Variants in POLQ observed in about 807,000 individuals in gnomAD.
POLQ encodes DNA polymerase theta, also known as epididymis secretory sperm binding protein.
POLQ carries 233 observed loss-of-function variants against 259.2 expected under a neutral mutation model. The ratio of observed to expected loss-of-function variants is 0.90; its 90% confidence interval spans 0.81 to 1.00. The LOEUF is 1.00. Ranked by LOEUF, POLQ falls within the 50% of genes least tolerant of loss-of-function variation. The pLI is 0.00. For missense variants in POLQ, 2,871 were observed against 3,051.6 expected (o/e 0.94, Z 1.39); for synonymous variants, 1,025 against 1,048.8 (o/e 0.98, Z 0.44).
At chr3:121,450,292 C>T (rs2047663870) in intron 25 of POLQ, among the ~76,000 whole-genome samples, 1 of 152,054 alleles carries the variant, frequency 6.6e-6, no homozygotes, top group African/African-American at 2.4e-5. Context: ...TCCAAAAAAA[C>T]TTTCAACATG....
Position 121,489,793 on chromosome 3 carries a change from C to A in POLQ, c.3138G>T (p.Lys1046Asn). 1 of 1,612,872 alleles carries A rather than the reference C, an allele frequency of 6.2e-7. No individual in the cohort carries two copies. Among genetic ancestry groups the A allele is most frequent in the Non-Finnish European group, 8.5e-7 (1 of 1,179,852 alleles). The stretch of plus-strand genomic sequence containing the variant: ...TGCTGTCCCTAGATCGCTTTAGATG[C>A]TTTCTACGTTTCCAAGATCGAAAAC... ...SRSFRSWKRR[K>N]HLKRSRDSSP... Residue 1046 changes from lysine to asparagine, a missense_variant, in exon 16 of 30, where the codon AAG becomes AAT. By Grantham distance (94) the Lys-to-Asn change is moderately conservative. Transcript: ENST00000264233.
chr3:121,540,138 C>T (rs1412072472), intron 3 of POLQ, among the ~76,000 whole-genome samples: 1 of 151,616 alleles, frequency 6.6e-6, no homozygotes, highest in Non-Finnish European at 1.5e-5. Flanking sequence ...TACTTTGGGT[C>T]TAAGTTGAGT....
At position 121,496,852 on chromosome 3, in the gene POLQ, C is replaced by G. The variant is rs779118394; in HGVS notation, c.2234G>C (p.Arg745Pro). The G allele has an allele frequency of 6.2e-7, 1 of 1,613,864 alleles. No individual in the cohort carries two copies. Among genetic ancestry groups the G allele is most frequent in the South Asian group, 1.1e-5 (1 of 91,022 alleles). ...CTGTTGCAAAGATTGAATCTGCCCACGATTGCATCCATATTTCTGATTTAT... is the reference window on the plus strand; with the variant it reads ...CTGTTGCAAAGATTGAATCTGCCCAGGATTGCATCCATATTTCTGATTTAT... ...REINQKYGCN[R>P]GQIQSLQQSA... Residue 745 changes from arginine to proline, a missense_variant, in exon 14 of 30, where the codon CGT (arginine) becomes CCT (proline). Arg to Pro is a moderately radical substitution (Grantham distance 103). Around this residue, in one of 3 missense-constraint regions of POLQ, gnomAD observed 783 missense variants for 906.2 expected, o/e 0.86. Coordinates refer to ENST00000264233, the MANE Select transcript of POLQ (RefSeq NM_199420.4).
chr3:121,479,857 G>A (rs1051516681), intron 19 of POLQ, among the ~76,000 whole-genome samples: 3 of 152,086 alleles, frequency 2.0e-5, no homozygotes, highest in African/African-American at 7.2e-5. Flanking sequence ...AAAGTCAGGG[G>A]AACTAGAAGA....
At chr3:121,474,003 C>T (rs912969817) in intron 20 of POLQ, among the ~76,000 whole-genome samples, 7 of 152,078 alleles carry the variant, frequency 4.6e-5, no homozygotes, top group Admixed American at 2.0e-4. Context: ...GTGGGATTAT[C>T]GGCATGAGCC....
At chr3:121,544,991 C>A (rs2048520403) in intron 1 of POLQ, 85 bp from the exon 2 acceptor site, 2 of 796,764 alleles carry the variant, frequency 2.5e-6, no homozygotes, top group African/African-American at 3.5e-5. Context: ...TGTTGGAATT[C>A]CTATGTGTTG....
intron 2 of POLQ, among the ~76,000 whole-genome samples, chr3:121,542,381 C>A (rs562028584): frequency 1.3e-5 from 2 of 152,022 alleles, no homozygotes; most frequent in South Asian, 4.2e-4. Context: ...TACAGTGAGA[C>A]TCTGTTCCAA....
In POLQ at chr3:121,487,441, T is replaced by C. The variant is rs2048021328; in HGVS notation, c.5490A>G (p.Val1830=). ...TTTGGAAAAGATTTTGGTCACTTGC[T>C]ACATCAATTATGGACAAACTTTCTG... ...SSSESLSIID[V]ASDQNLFQTF... is the part of the protein sequence containing the mutation. The change falls in exon 16 of 30, where the codon GTA becomes GTG. Residue 1830 remains valine, a synonymous_variant. Coordinates refer to ENST00000264233, the MANE Select transcript of POLQ (RefSeq NM_199420.4). The C allele has an allele frequency of 6.2e-7, 1 of 1,613,980 alleles. No homozygotes were observed. Among genetic ancestry groups the C allele is most frequent in the African/African-American group, 1.3e-5 (1 of 74,940 alleles).
chr3:121,441,284 T>C lies in POLQ; in HGVS notation c.7265-1168A>G, dbSNP rs187908672. Among the ~76,000 whole-genome samples, 7 of 152,250 alleles carry C rather than the reference T, an allele frequency of 4.6e-5. No individual in the cohort carries two copies. The East Asian group carries it at 1.4e-3, about 29-fold the overall frequency. ...AATCAGTGCTGAGGTATAATTTACA[T>C]GCAACAAAATACACTCGCTTTAAAC... On this transcript the variant is annotated intron_variant, in intron 26 of 29. Coordinates refer to ENST00000264233, the MANE Select transcript of POLQ (RefSeq NM_199420.4).
chr3:121,529,361 A>C (rs1224718565), intron 7 of POLQ, among the ~76,000 whole-genome samples: 1 of 152,212 alleles, frequency 6.6e-6, no homozygotes, highest in East Asian at 1.9e-4. Context: ...TCCAAAGATC[A>C]AACTCTTAAA....
chr3:121,475,564 T>C (rs1359189414), intron 20 of POLQ, among the ~76,000 whole-genome samples: 1 of 152,186 alleles, frequency 6.6e-6, no homozygotes, highest in African/African-American at 2.4e-5. Context: ...GAGAGACCCA[T>C]TATGATTAAA....
At chr3:121,469,897 C>G (rs1352940322) in intron 22 of POLQ, among the ~76,000 whole-genome samples, 1 of 151,962 alleles carries the variant, frequency 6.6e-6, no homozygotes, top group Non-Finnish European at 1.5e-5. Flanking sequence ...GTAATAAAAT[C>G]AAAAGAAATG....
Position 121,533,202 on chromosome 3 carries a change from C to A in POLQ, c.748G>T (p.Asp250Tyr), listed in dbSNP as rs376463646. ...ITRKSASCQA[D>Y]LASSLSNAVQ... is the part of the protein sequence containing the mutation. ...GCATTAGACAGAGAACTGGCTAGAT[C>A]TGCCTGACTGTAAAAAAACAAATGA... Residue 250 changes from aspartate to tyrosine, a missense_variant, in exon 6 of 30, where the codon GAT (aspartate) becomes TAT (tyrosine). Physicochemically the swap from Asp to Tyr is radical, Grantham distance 160. Transcript: ENST00000264233. 34 of 1,559,758 alleles carry A rather than the reference C, an allele frequency of 2.2e-5. 2 individuals are homozygous for A. In the African/African-American group the frequency reaches 3.6e-4, roughly 16 times the overall value.
In POLQ at chr3:121,510,203, T is replaced by C. The variant is rs1480430392; in HGVS notation, c.1652A>G (p.His551Arg). 4.3e-6 allele frequency: 7 copies of C among 1,613,696 alleles called. No individual in the cohort carries two copies. The highest frequency in any genetic ancestry group is 2.2e-5 in the South Asian group (2 of 91,062). ...GGVASTSQDM[H>R]TYAACTFLAA... ...CAAAAATGTGCAGGCAGCATAAGTA[T>C]GCATATCTTGTGATGTACTTGCCAC... The change falls in exon 11 of 30, where the codon CAT becomes CGT. Residue 551 changes from histidine to arginine, a missense_variant. Physicochemically the swap from His to Arg is conservative, Grantham distance 29 (BLOSUM62 0). Coordinates refer to ENST00000264233, the MANE Select transcript of POLQ (RefSeq NM_199420.4).
intron 9 of POLQ, among the ~76,000 whole-genome samples, chr3:121,512,927 T>C (rs922799490): frequency 1.3e-5 from 2 of 152,218 alleles, no homozygotes; most frequent in African/African-American, 4.8e-5. Flanking sequence ...TCTAAATGCT[T>C]TATTGTGAGA....
At chr3:121,515,219 G>A (rs1383569931) in intron 9 of POLQ, among the ~76,000 whole-genome samples, 1 of 152,098 alleles carries the variant, frequency 6.6e-6, no homozygotes, top group African/African-American at 2.4e-5. Flanking sequence ...TAGGAGTGCA[G>A]TGGCATGATC....
At chr3:121,517,313 A>C (rs918673947) in intron 9 of POLQ, among the ~76,000 whole-genome samples, 12 of 152,220 alleles carry the variant, frequency 7.9e-5, no homozygotes, top group African/African-American at 2.9e-4. Context: ...GTAAGAGAGA[A>C]ACAGGATAAA....
At chr3:121,470,792 A>G (rs776104113) in intron 22 of POLQ, among the ~76,000 whole-genome samples, 3 of 152,036 alleles carry the variant, frequency 2.0e-5, no homozygotes, top group Non-Finnish European at 4.4e-5. Flanking sequence ...TTGACTTTCT[A>G]TAGAGACATG....
chr3:121,474,028 G>A (rs1289901332), intron 20 of POLQ, among the ~76,000 whole-genome samples: 1 of 152,142 alleles, frequency 6.6e-6, no homozygotes, highest in Non-Finnish European at 1.5e-5. Flanking sequence ...CACACAGCCA[G>A]CTTTTAAGCA....
Sources: gnomAD v4.1 joint callset for allele counts (sites outside exome capture counted in the v4.1 genomes callset) on GRCh38, gnomAD v4.1.1 for gene constraint, gnomAD v4.1.1 regional missense constraint, MANE v1.5 for transcripts, NCBI Gene and HGNC (gene_info 2026-07-23, HGNC 2026-07-21) for gene names.